CSMD3: variants seen among roughly 807,000 people sequenced by gnomAD.
The protein encoded by CSMD3 is CUB and sushi domain-containing protein 3.
CSMD3 carries 177 observed loss-of-function variants against 435.2 expected under a neutral mutation model. The ratio of observed to expected loss-of-function variants is 0.41; its 90% CI spans 0.36 to 0.46. CSMD3 has a LOEUF of 0.46. Among genes scored for constraint, CSMD3 ranks in the 20% least tolerant of loss-of-function variants. The probability of loss-of-function intolerance (pLI) is 0.34; values close to 1 mark genes in which losing one functional copy is unlikely to be tolerated. For synonymous variants in CSMD3, 1,656 were observed against 1,520.5 expected (o/e 1.09, Z -2.07); for missense variants, 4,265 against 4,504.6 (o/e 0.95, Z 1.52).
chr8:112,429,453 A>C (rs892355464), intron 32 of CSMD3, among the ~76,000 whole-genome samples: 1 of 152,074 alleles, frequency 6.6e-6, no homozygotes, highest in African/African-American at 2.4e-5. Flanking sequence ...ATATAGTTCA[A>C]GGTTTCATGA....
At chr8:113,419,610 C>T (rs2094600016) in intron 1 of CSMD3, among the ~76,000 whole-genome samples, 2 of 152,102 alleles carry the variant, frequency 1.3e-5, no homozygotes, top group South Asian at 4.1e-4. Context: ...TCCTCATGCT[C>T]TCAATTCTTT....
In CSMD3 at chr8:113,184,118, G is replaced by A. The variant is rs551569366; in HGVS notation, c.515-10202C>T. The stretch of plus-strand genomic sequence containing the variant: ...AGAACTTAAGGATTCACTTGCTTAC[G>A]TTTACCAGTTTATTACAGAAGATAT... On this transcript the variant is annotated intron_variant, in intron 3 of 70. Coordinates refer to ENST00000297405, the MANE Select transcript of CSMD3 (RefSeq NM_198123.2). 4.6e-5 allele frequency among the ~76,000 whole-genome samples: 7 copies of A among 152,058 alleles called. 1 individual carries two copies. In the South Asian group the frequency reaches 6.2e-4, roughly 14 times the overall value.
At chr8:112,866,979 A>G (rs1302708294) in intron 10 of CSMD3, among the ~76,000 whole-genome samples, 2 of 152,162 alleles carry the variant, frequency 1.3e-5, no homozygotes, top group African/African-American at 4.8e-5. Flanking sequence ...AGATGTACCA[A>G]CAAAGGACTT....
At chr8:113,066,129 G>GAAAAAAAAA (rs532343282) in intron 5 of CSMD3, among the ~76,000 whole-genome samples, 2 of 49,172 alleles carry the variant, frequency 4.1e-5, no homozygotes, top group South Asian at 5.7e-4. Flanking sequence ...CCAAGAAAAA[G>GAAAAAAAAA]AAAAAAAAAA....
intron 45 of CSMD3, among the ~76,000 whole-genome samples, chr8:112,327,129 C>A (rs1201197640): frequency 1.3e-5 from 2 of 152,136 alleles, no homozygotes; most frequent in East Asian, 3.9e-4. Flanking sequence ...CACACTGTAT[C>A]ATCCTATATA....
intron 3 of CSMD3, among the ~76,000 whole-genome samples, chr8:113,208,808 C>T (rs2092800280): frequency 6.6e-6 from 1 of 151,758 alleles, no homozygotes; most frequent in Non-Finnish European, 1.5e-5. Flanking sequence ...TGTAAGGGTA[C>T]ATGTAGTGAA....
chr8:112,485,551 A>G (rs914773876), intron 31 of CSMD3, among the ~76,000 whole-genome samples: 5 of 152,144 alleles, frequency 3.3e-5, no homozygotes, highest in Non-Finnish European at 5.9e-5. Flanking sequence ...GACATTTGAC[A>G]TAAGGATCTT....
chr8:113,208,009 G>A (rs559569560), intron 3 of CSMD3, among the ~76,000 whole-genome samples: 40 of 152,242 alleles, frequency 2.6e-4, no homozygotes, highest in Non-Finnish European at 5.0e-4. Context: ...TTTAGAGGCC[G>A]ATGGTAGAAT....
intron 32 of CSMD3, among the ~76,000 whole-genome samples, chr8:112,431,341 A>C (rs1813683601): frequency 6.6e-6 from 1 of 152,152 alleles, no homozygotes; most frequent in Admixed American, 6.6e-5. Context: ...ATAGGTGAAT[A>C]TTTTTGTTTT....
At chr8:113,270,128 C>A (rs867462304) in intron 3 of CSMD3, among the ~76,000 whole-genome samples, 79 of 151,952 alleles carry the variant, frequency 5.2e-4, no homozygotes, top group South Asian at 8.3e-4. Flanking sequence ...AAAAAAACAA[C>A]CCCATCAATA....
intron 32 of CSMD3, among the ~76,000 whole-genome samples, chr8:112,463,794 C>A (rs1168126700): frequency 6.6e-6 from 1 of 152,254 alleles, no homozygotes; most frequent in East Asian, 1.9e-4. Context: ...CAGTCACCGG[C>A]CCCTTTTCTA....
At chr8:113,210,607 G>A (rs1006710439) in intron 3 of CSMD3, among the ~76,000 whole-genome samples, 4 of 152,106 alleles carry the variant, frequency 2.6e-5, no homozygotes, top group African/African-American at 9.7e-5. Flanking sequence ...GTGGGGCGCA[G>A]TGGCTTAGAC....
At chr8:113,112,787 T>C (rs1462751827) in intron 4 of CSMD3, among the ~76,000 whole-genome samples, 1 of 152,104 alleles carries the variant, frequency 6.6e-6, no homozygotes, top group Non-Finnish European at 1.5e-5. Context: ...GTAAACCAGC[T>C]GGGATTTTTT....
chr8:112,981,857 C>T (rs1334111282), intron 6 of CSMD3, among the ~76,000 whole-genome samples: 4 of 151,616 alleles, frequency 2.6e-5, no homozygotes, highest in African/African-American at 9.7e-5. Context: ...CTTAAGGAGA[C>T]TACAGTTTTG....
At chr8:113,092,079 A>G (rs1172826562) in intron 5 of CSMD3, among the ~76,000 whole-genome samples, 1 of 152,086 alleles carries the variant, frequency 6.6e-6, no homozygotes, top group Non-Finnish European at 1.5e-5. Flanking sequence ...TTTGATAAAC[A>G]GTCTTTGTCC....
intron 13 of CSMD3, among the ~76,000 whole-genome samples, chr8:112,741,627 C>T (rs943959205): frequency 1.3e-5 from 2 of 151,870 alleles, no homozygotes; most frequent in Non-Finnish European, 2.9e-5. Context: ...TAGACACAAA[C>T]ATTCAGACCT....
chr8:112,636,614 A>C (rs2074667579), intron 22 of CSMD3, among the ~76,000 whole-genome samples: 1 of 151,898 alleles, frequency 6.6e-6, no homozygotes, highest in Non-Finnish European at 1.5e-5. Context: ...ATCTGAAAAC[A>C]AATTTATAAG....
intron 32 of CSMD3, among the ~76,000 whole-genome samples, chr8:112,416,806 GA>G (rs879419175): frequency 1.8e-4 from 27 of 147,774 alleles, no homozygotes; most frequent in African/African-American, 3.0e-4. Flanking sequence ...GACAGTGTCA[GA>G]AAAAAAAAAC....
At chr8:113,294,068 T>C (rs949356888) in intron 2 of CSMD3, among the ~76,000 whole-genome samples, 1 of 152,060 alleles carries the variant, frequency 6.6e-6, no homozygotes, top group African/African-American at 2.4e-5. Flanking sequence ...CACTGTACTC[T>C]CTGAGCCATT....
Sources: allele counts gnomAD v4.1 joint callset (sites outside exome capture counted in the v4.1 genomes callset), GRCh38; gene constraint gnomAD v4.1.1; transcripts MANE v1.5; gene names NCBI Gene and HGNC (gene_info 2026-07-23, HGNC 2026-07-21).